JADE1: variants seen among roughly 807,000 people sequenced by gnomAD.
The protein encoded by JADE1 is jade family PHD finger 1.
In JADE1, 14 loss-of-function variants were observed where a neutral mutation model predicts 81.8. The observed-to-expected ratio is 0.17, with a 90% confidence interval of 0.11 to 0.27. The LOEUF is 0.27. JADE1 is among the 10% of genes least tolerant of loss of function. The pLI, the probability that JADE1 is intolerant of heterozygous loss-of-function variation, is 1.00. For missense variants in JADE1, 690 were observed against 1,047.9 expected, an observed-to-expected ratio of 0.66 and a Z score of 4.71; for synonymous variants, 353 against 391.9, an observed-to-expected ratio of 0.90 and a Z score of 1.17.
chr4:128,842,669 G>A (rs1729540586), intron 2 of JADE1, among the ~76,000 whole-genome samples: 1 of 152,190 alleles, frequency 6.6e-6, no homozygotes, highest in Admixed American at 6.5e-5. Context: ...TATGGGTGAA[G>A]ACTACACCTG....
intron 5 of JADE1, 68 bp from the exon 6 acceptor site, chr4:128,851,989 A>T (rs747114363): frequency 5.5e-6 from 5 of 914,592 alleles, no homozygotes; most frequent in Non-Finnish European, 6.9e-6. Context: ...TAAATAAACC[A>T]GTACTATTTT....
At chr4:128,819,887 G>A (rs982517343) in intron 1 of JADE1, among the ~76,000 whole-genome samples, 1 of 152,172 alleles carries the variant, frequency 6.6e-6, no homozygotes, top group Admixed American at 6.5e-5. Context: ...GAGGTGGCTG[G>A]CACAGGAGGA....
chr4:128,817,166 A>G (rs746816959), intron 1 of JADE1, among the ~76,000 whole-genome samples: 10 of 151,816 alleles, frequency 6.6e-5, no homozygotes, highest in African/African-American at 2.2e-4. Flanking sequence ...CCAGTTTTCT[A>G]TTACTTTGAA....
intron 9 of JADE1, chr4:128,862,681 T>A (rs1731442075): frequency 9.9e-7 from 1 of 1,012,774 alleles, no homozygotes; most frequent in Non-Finnish European, 1.2e-6. Context: ...GAAACACACC[T>A]AGGTGCTGGT....
intron 1 of JADE1, among the ~76,000 whole-genome samples, chr4:128,820,042 T>A (rs763446290): frequency 2.0e-5 from 3 of 152,218 alleles, no homozygotes; most frequent in Non-Finnish European, 4.4e-5. Flanking sequence ...TGGATTAAAT[T>A]ATTTTAAATT....
chr4:128,861,623 T>A (rs1579228430), intron 8 of JADE1, 81 bp from the exon 9 acceptor site: 1 of 1,475,876 alleles, frequency 6.8e-7, no homozygotes, highest in East Asian at 2.3e-5. Flanking sequence ...CATGTGTACA[T>A]GGGGTGCCTA....
intron 2 of JADE1, among the ~76,000 whole-genome samples, chr4:128,842,276 T>C (rs1729496228): frequency 6.6e-6 from 1 of 152,080 alleles, no homozygotes; most frequent in Non-Finnish European, 1.5e-5. Context: ...GAAAACTCAG[T>C]AAGATGTTTT....
intron 1 of JADE1, among the ~76,000 whole-genome samples, chr4:128,827,163 C>A (rs1404411051): frequency 6.6e-6 from 1 of 152,162 alleles, no homozygotes; most frequent in Non-Finnish European, 1.5e-5. Context: ...CTCCATCCCC[C>A]TCTGCAAGAT....
At chr4:128,821,374 G>A (rs1269906951) in intron 1 of JADE1, among the ~76,000 whole-genome samples, 1 of 152,118 alleles carries the variant, frequency 6.6e-6, no homozygotes, top group Non-Finnish European at 1.5e-5. Context: ...TGTCAACCAT[G>A]CCTTGCCATA....
intron 3 of JADE1, 71 bp downstream of exon 3, chr4:128,843,109 A>G (rs192703127): frequency 3.9e-6 from 5 of 1,280,578 alleles, no homozygotes; most frequent in Non-Finnish European, 5.6e-6. Context: ...AGTGGTATCT[A>G]TTTGTGCAGT....
chr4:128,810,699 A>G (rs1454663081), intron 1 of JADE1, among the ~76,000 whole-genome samples: 1 of 127,002 alleles, frequency 7.9e-6, no homozygotes, highest in Non-Finnish European at 1.6e-5. Flanking sequence ...ACATGTCCAA[A>G]ATATTCATTG....
Position 128,864,614 on chromosome 4 carries a change from A to C in JADE1, c.1503+2389A>C, listed in dbSNP as rs1731647289. The C allele has an allele frequency of 7.1e-6, 7 of 985,244 alleles. No individual in the cohort carries two copies. In the South Asian group the frequency reaches 3.3e-4, roughly 46 times the overall value. 61.0% of individuals were successfully genotyped at this position (985,244 alleles called of 1,614,324 possible). On this transcript the variant is annotated intron_variant, in intron 9 of 10. Transcript: ENST00000226319. The stretch of plus-strand genomic sequence containing the variant: ...TATCAGGGCAGGGGTGACAATAAAA[A>C]ACCAATCATTACTACCAACTTGTTT...
Position 128,875,078 on chromosome 4 carries a change from A to G in JADE1, c.*2816A>G, listed in dbSNP as rs1047670183. The stretch of plus-strand genomic sequence containing the variant: ...TGTAGAGATGACTATTTTATATTAC[A>G]TGACCCAATCCTGTATTTATTTCTA... On this transcript the variant is annotated 3_prime_UTR_variant, in exon 11 of 11. Coordinates refer to ENST00000226319, the MANE Select transcript of JADE1 (RefSeq NM_199320.4). The G allele has an allele frequency of 1.3e-5, 2 of 152,306 alleles. No homozygotes were observed. The highest frequency in any genetic ancestry group is 4.8e-5 in the African/African-American group (2 of 41,380). The allele number at this position is 152,306 out of a possible 1,614,324, so 9.4% of individuals were successfully genotyped here.
chr4:128,821,557 C>T (rs1047758579), intron 1 of JADE1, among the ~76,000 whole-genome samples: 8 of 149,408 alleles, frequency 5.4e-5, no homozygotes, highest in Admixed American at 2.0e-4. Context: ...TACAGTGGCA[C>T]GATCTCGGCT....
intron 6 of JADE1, among the ~76,000 whole-genome samples, chr4:128,855,316 C>G (rs1368519976): frequency 6.6e-6 from 1 of 152,232 alleles, no homozygotes; most frequent in Non-Finnish European, 1.5e-5. Flanking sequence ...TGCGGCAACA[C>G]AGCAAAGCAG....
At chr4:128,854,931 TG>T (rs1730662476) in intron 6 of JADE1, among the ~76,000 whole-genome samples, 1 of 152,208 alleles carries the variant, frequency 6.6e-6, no homozygotes, top group African/African-American at 2.4e-5. Context: ...TAATTTAAAT[TG>T]TTTTTTTTGT....
chr4:128,855,665 C>T lies in JADE1; in HGVS notation c.732C>T (p.Ser244=), dbSNP rs376811020. The T allele has an allele frequency of 1.9e-6, 3 of 1,613,816 alleles. No homozygotes were observed. In the African/African-American group the frequency reaches 4.0e-5, roughly 22 times the overall value. The change falls in exon 7 of 11, where the codon AGC becomes AGT. Residue 244 remains serine, a synonymous_variant. Coordinates refer to ENST00000226319, the MANE Select transcript of JADE1 (RefSeq NM_199320.4). ...CYGILKVPEG[S]WLCRTCALGV... is the part of the protein sequence containing the mutation. Reference sequence around the variant, plus strand: ...GAATCCTCAAGGTACCAGAGGGCAGCTGGCTGTGCCGGACATGTGCCCTGG... The same window carrying T: ...GAATCCTCAAGGTACCAGAGGGCAGTTGGCTGTGCCGGACATGTGCCCTGG...
chr4:128,829,685 C>T (rs577436628), intron 1 of JADE1, among the ~76,000 whole-genome samples: 2 of 151,950 alleles, frequency 1.3e-5, no homozygotes, highest in East Asian at 1.9e-4. Context: ...GAGACTTCAC[C>T]GAAGAGAAAA....
At chr4:128,853,704 TAAAA>T (rs1227674595) in intron 6 of JADE1, among the ~76,000 whole-genome samples, 4 of 152,212 alleles carry the variant, frequency 2.6e-5, no homozygotes, top group Non-Finnish European at 5.9e-5. Context: ...AAAGCAAACT[TAAAA>T]GAAAGACTTG....
Sources: allele counts gnomAD v4.1 joint callset (sites outside exome capture counted in the v4.1 genomes callset), GRCh38; gene constraint gnomAD v4.1.1; transcripts MANE v1.5; gene names NCBI Gene and HGNC (gene_info 2026-07-23, HGNC 2026-07-21).